UBE2Q2: variants seen among roughly 807,000 people sequenced by gnomAD.
The protein encoded by UBE2Q2 is ubiquitin-conjugating enzyme E2 Q2.
In UBE2Q2, 54 loss-of-function variants were observed where a neutral mutation model predicts 59.9. The ratio of observed to expected loss-of-function variants is 0.90; its 90% CI spans 0.72 to 1.13. The LOEUF (loss-of-function observed/expected upper bound fraction) is 1.13, where lower values mean the gene tolerates loss of function less well. Ranked by LOEUF, UBE2Q2 falls within the 50% of genes most tolerant of loss-of-function variation. The probability of loss-of-function intolerance (pLI) is 0.00; values close to 1 mark genes in which losing one functional copy is unlikely to be tolerated. For synonymous variants in UBE2Q2, 165 were observed against 155.2 expected, an observed-to-expected ratio of 1.06 and a Z score of -0.47; for missense variants, 433 against 441.9, an observed-to-expected ratio of 0.98 and a Z score of 0.18.
chr15:75,870,031 G>A (rs1296270291), intron 4 of UBE2Q2, among the ~76,000 whole-genome samples: 4 of 151,966 alleles, frequency 2.6e-5, no homozygotes, highest in Admixed American at 2.0e-4. Flanking sequence ...TCTAAAATGT[G>A]CTTTTAGAAT....
At chr15:75,861,885 T>G (rs1292410963) in intron 3 of UBE2Q2, among the ~76,000 whole-genome samples, 1 of 152,226 alleles carries the variant, frequency 6.6e-6, no homozygotes, top group East Asian at 1.9e-4. Flanking sequence ...TGGCAGGGAC[T>G]GGTCATCTGG....
intron 10 of UBE2Q2, 120 bp from the exon 11 acceptor site, chr15:75,890,799 T>G: frequency 1.2e-6 from 1 of 855,320 alleles, no homozygotes; most frequent in Non-Finnish European, 1.8e-6. Flanking sequence ...CTTTTTCCCC[T>G]TGACTACAGT....
intron 4 of UBE2Q2, among the ~76,000 whole-genome samples, chr15:75,870,024 A>G (rs895391287): frequency 1.3e-5 from 2 of 152,150 alleles, no homozygotes; most frequent in African/African-American, 4.8e-5. Flanking sequence ...TTTTTAATCT[A>G]AAATGTGCTT....
At chr15:75,867,678 G>A (rs1011301827) in intron 3 of UBE2Q2, among the ~76,000 whole-genome samples, 2 of 152,052 alleles carry the variant, frequency 1.3e-5, no homozygotes, top group African/African-American at 4.8e-5. Flanking sequence ...TTAAAATGAG[G>A]GATAGTAACT....
intron 4 of UBE2Q2, among the ~76,000 whole-genome samples, chr15:75,870,625 T>C (rs1169240501): frequency 6.6e-6 from 1 of 152,106 alleles, no homozygotes; most frequent in Non-Finnish European, 1.5e-5. Flanking sequence ...GACTGGACTT[T>C]GGAGATGTCA....
At chr15:75,878,235 T>C in intron 7 of UBE2Q2, 1 of 522,790 alleles carries the variant, frequency 1.9e-6, no homozygotes, top group Non-Finnish European at 3.4e-6. Flanking sequence ...AGGGACCAGC[T>C]GCGGGATAAA....
At chr15:75,886,131 T>G (rs1265547483) in intron 9 of UBE2Q2, among the ~76,000 whole-genome samples, 1 of 152,112 alleles carries the variant, frequency 6.6e-6, no homozygotes, top group Admixed American at 6.5e-5. Flanking sequence ...TTTAGTTTTT[T>G]TTTTTTGAGA....
At chr15:75,885,536 ATTTGT>A (rs1185460643) in intron 9 of UBE2Q2, among the ~76,000 whole-genome samples, 3 of 152,122 alleles carry the variant, frequency 2.0e-5, no homozygotes, top group African/African-American at 7.2e-5. Flanking sequence ...TTTTTCCCAA[ATTTGT>A]TTAATAATTT....
In UBE2Q2 at chr15:75,865,200, T is replaced by TAG. The variant is rs372324439; in HGVS notation, c.388-3750_388-3749insGA. ...GTTCCTCTGTGCACTCATCTTTCCT[T>TAG]ACATTTCTCTAGTGTTACCACTTAT... On this transcript the variant is annotated intron_variant, in intron 3 of 12. Coordinates refer to ENST00000267938, the MANE Select transcript of UBE2Q2 (RefSeq NM_173469.4). 8.5e-5 allele frequency among the ~76,000 whole-genome samples: 13 copies of TAG among 152,252 alleles called. 1 individual carries two copies. Among genetic ancestry groups the TAG allele is most frequent in the African/African-American group, 2.9e-4 (12 of 41,474 alleles).
intron 3 of UBE2Q2, among the ~76,000 whole-genome samples, chr15:75,867,217 A>T (rs1012003582): frequency 7.2e-5 from 11 of 152,168 alleles, no homozygotes; most frequent in African/African-American, 2.7e-4. Flanking sequence ...GTTATACTAA[A>T]AACACTCTCT....
intron 1 of UBE2Q2, among the ~76,000 whole-genome samples, chr15:75,845,682 T>A (rs1896308264): frequency 6.6e-6 from 1 of 152,230 alleles, no homozygotes; most frequent in South Asian, 2.1e-4. Flanking sequence ...GTGGTCTTAT[T>A]GCTGTGCCGG....
intron 1 of UBE2Q2, among the ~76,000 whole-genome samples, chr15:75,852,923 ATAT>A (rs1896703932): frequency 6.6e-6 from 1 of 152,228 alleles, no homozygotes; most frequent in African/African-American, 2.4e-5. Context: ...TGCTTTAAAA[ATAT>A]TCAGTTTCTG....
At chr15:75,854,155 A>T (rs935391230) in intron 1 of UBE2Q2, among the ~76,000 whole-genome samples, 10 of 152,168 alleles carry the variant, frequency 6.6e-5, no homozygotes, top group African/African-American at 2.4e-4. Context: ...GCTGCCTACC[A>T]GTGTTGAAGA....
intron 3 of UBE2Q2, among the ~76,000 whole-genome samples, chr15:75,865,234 C>A (rs550402297): frequency 1.9e-3 from 288 of 152,318 alleles, no homozygotes; most frequent in African/African-American, 6.7e-3. Context: ...ATGTATGCAT[C>A]CTTGAACAAT....
intron 4 of UBE2Q2, among the ~76,000 whole-genome samples, chr15:75,872,201 C>A (rs535602887): frequency 2.6e-5 from 4 of 151,600 alleles, no homozygotes; most frequent in Admixed American, 2.6e-4. Flanking sequence ...GTACTCCAGC[C>A]GGGGCAACGG....
chr15:75,853,982 T>C (rs893717923), intron 1 of UBE2Q2, among the ~76,000 whole-genome samples: 2 of 152,166 alleles, frequency 1.3e-5, no homozygotes, highest in Non-Finnish European at 2.9e-5. Context: ...AGGAGAAGGA[T>C]GGGCAAGGCA....
chr15:75,871,005 CCT>C (rs1409499364), intron 4 of UBE2Q2, among the ~76,000 whole-genome samples: 17 of 152,250 alleles, frequency 1.1e-4, no homozygotes, highest in African/African-American at 4.1e-4. Context: ...ATCCCGCCAG[CCT>C]CTGAGTTCCC....
At chr15:75,876,022 G>A (rs1379962457) in intron 5 of UBE2Q2, among the ~76,000 whole-genome samples, 165 bp from the exon 6 acceptor site, 3 of 138,846 alleles carry the variant, frequency 2.2e-5, no homozygotes, top group Non-Finnish European at 3.0e-5. Context: ...CTGAGATTGC[G>A]CCACTGCACT....
chr15:75,846,858 G>A (rs1896379578), intron 1 of UBE2Q2, among the ~76,000 whole-genome samples: 1 of 152,196 alleles, frequency 6.6e-6, no homozygotes, highest in Non-Finnish European at 1.5e-5. Flanking sequence ...AGTTCCTGAA[G>A]AGTCCTGTAC....
Sources: allele counts gnomAD v4.1 joint callset (sites outside exome capture counted in the v4.1 genomes callset), GRCh38; gene constraint gnomAD v4.1.1; transcripts MANE v1.5; gene names NCBI Gene and HGNC (gene_info 2026-07-23, HGNC 2026-07-21).